The following FBXO34 variants were observed in gnomAD, a reference collection of about 807,000 sequenced individuals.
The protein encoded by FBXO34 is F-box only protein 34.
In FBXO34, 12 loss-of-function variants were observed where a neutral mutation model predicts 24.5. That is an observed-to-expected ratio of 0.49 (90% CI 0.31 to 0.79). The LOEUF is 0.79. Among genes scored for constraint, FBXO34 ranks in the 30% least tolerant of loss-of-function variants. The probability of loss-of-function intolerance (pLI) is 0.04; values close to 1 mark genes in which losing one functional copy is unlikely to be tolerated. For synonymous variants in FBXO34, 320 were observed against 311.9 expected (o/e 1.03, Z -0.27); for missense variants, 823 against 857.7 (o/e 0.96, Z 0.51).
chr14:55,414,310 C>A, the FBXO34 span: 1 of 1,168,870 alleles, frequency 8.6e-7, no homozygotes, highest in Non-Finnish European at 1.2e-6. Context: ...GTAGAAGAAT[C>A]CAGCTGTTTC....
Position 55,348,017 on chromosome 14 carries a change from A to G in FBXO34, c.-10-2364A>G, listed in dbSNP as rs568211973. 2.1e-4 allele frequency among the ~76,000 whole-genome samples: 32 copies of G among 152,334 alleles called. 2 individuals carry two copies. The South Asian group carries it at 6.0e-3, about 29-fold the overall frequency. On this transcript the variant is annotated intron_variant, in intron 1 of 1. Transcript: ENST00000313833. ...CTAGGTGTGCCTCTTTTATTCATTT[A>G]TATGTCATCCGTTCTTGAATTCTGG... is the stretch of plus-strand genomic sequence containing the variant.
At chr14:55,340,419 A>G (rs974843885) in intron 1 of FBXO34, among the ~76,000 whole-genome samples, 128 of 148,120 alleles carry the variant, frequency 8.6e-4, no homozygotes, top group Middle Eastern at 3.5e-3. Context: ...TTTTTTTTGA[A>G]TGGGGGTGGT....
chr14:55,298,597 C>T (rs1005576567), intron 1 of FBXO34: 14 of 954,648 alleles, frequency 1.5e-5, no homozygotes, highest in Admixed American at 2.7e-5. Flanking sequence ...GGAGGGCGGG[C>T]GCCGGAGCCC....
chr14:55,282,452 T>A, intron 1 of FBXO34: 1 of 246,318 alleles, frequency 4.1e-6, no homozygotes, highest in Non-Finnish European at 8.5e-6. Context: ...GTAGACAGCA[T>A]TATAAGAACT....
chr14:55,383,552 A>G, the FBXO34 span, among the ~76,000 whole-genome samples: 1 of 152,020 alleles, frequency 6.6e-6, no homozygotes, highest in Non-Finnish European at 1.5e-5. Context: ...CTCCATCTCA[A>G]AAAAACACAA....
chr14:55,430,530 C>T, the FBXO34 span, among the ~76,000 whole-genome samples: 1 of 151,990 alleles, frequency 6.6e-6, no homozygotes, highest in African/African-American at 2.4e-5. Context: ...CCTCAGCCTC[C>T]TAAGTAGCCT....
At chr14:55,385,971 T>C in the FBXO34 span, 1 of 1,614,162 alleles carries the variant, frequency 6.2e-7, no homozygotes, top group Non-Finnish European at 8.5e-7. Context: ...TCAATGGTCT[T>C]TTTTTCTACC....
intron 1 of FBXO34, among the ~76,000 whole-genome samples, chr14:55,329,831 A>G (rs1296775625): frequency 3.9e-5 from 6 of 152,052 alleles, no homozygotes; most frequent in Non-Finnish European, 7.4e-5. Flanking sequence ...GTGCCAGGAA[A>G]ACTATCAGCT....
At chr14:55,336,199 T>C (rs745586672) in intron 1 of FBXO34, among the ~76,000 whole-genome samples, 1 of 152,342 alleles carries the variant, frequency 6.6e-6, no homozygotes, top group Middle Eastern at 3.4e-3. Context: ...CTTTCAGTTC[T>C]TTTTTATTGT....
At chr14:55,311,207 G>A (rs927072895) in intron 1 of FBXO34, among the ~76,000 whole-genome samples, 1 of 152,162 alleles carries the variant, frequency 6.6e-6, no homozygotes, top group East Asian at 1.9e-4. Context: ...GGAGGGAGAA[G>A]GAACACAGGA....
the FBXO34 span, among the ~76,000 whole-genome samples, chr14:55,408,485 A>G: frequency 2.0e-5 from 3 of 151,298 alleles, no homozygotes; most frequent in African/African-American, 7.3e-5. Flanking sequence ...TCAAACTCAC[A>G]TAGCAGCCAG....
intron 1 of FBXO34, among the ~76,000 whole-genome samples, chr14:55,278,566 T>G (rs1881421775): frequency 6.6e-6 from 1 of 152,206 alleles, no homozygotes; most frequent in Non-Finnish European, 1.5e-5. Context: ...ACATGTTTGT[T>G]GCAGCTCAAG....
chr14:55,366,402 G>T (rs1884679797), downstream of FBXO34: 2 of 152,594 alleles, frequency 1.3e-5, no homozygotes, highest in Non-Finnish European at 2.9e-5. Context: ...ACTGTTAAAA[G>T]ATTTATTGCA....
the FBXO34 span, among the ~76,000 whole-genome samples, chr14:55,425,497 G>A: frequency 1.3e-5 from 2 of 152,214 alleles, no homozygotes; most frequent in African/African-American, 4.8e-5. Flanking sequence ...AAGATTACCA[G>A]TATAATGTGC....
chr14:55,389,838 A>G, the FBXO34 span, among the ~76,000 whole-genome samples: 29 of 152,254 alleles, frequency 1.9e-4, no homozygotes, highest in Non-Finnish European at 3.7e-4. Flanking sequence ...GCAAATGGGA[A>G]GTGGCTTAAG....
In FBXO34 at chr14:55,350,673, A is replaced by G. The variant is rs965807124; in HGVS notation, c.283A>G (p.Thr95Ala). The G allele has an allele frequency of 1.1e-5, 18 of 1,613,916 alleles. No individual in the cohort carries two copies. Among genetic ancestry groups the G allele is most frequent in the African/African-American group, 6.7e-5 (5 of 74,894 alleles). Residue 95 changes from threonine (T) to alanine (A), a missense_variant, in exon 2 of 2, where the codon ACG becomes GCG. Coordinates refer to ENST00000313833, the MANE Select transcript of FBXO34 (RefSeq NM_017943.4). ...VKTKKNAPSA[T>A]IHQGEEEGPL... ...AACCAAAAAGAATGCACCATCTGCAACGATCCACCAGGGCGAAGAAGAAGG... is the reference window on the plus strand; with the variant it reads ...AACCAAAAAGAATGCACCATCTGCAGCGATCCACCAGGGCGAAGAAGAAGG...
At chr14:55,395,271 G>A in the FBXO34 span, 1 of 328,604 alleles carries the variant, frequency 3.0e-6, no homozygotes, top group East Asian at 8.7e-5. Context: ...GCGCCTGCGA[G>A]GCATAGTGCA....
At chr14:55,356,626 ATT>A (rs771097986), downstream of FBXO34, among the ~76,000 whole-genome samples, 1 of 150,442 alleles carries the variant, frequency 6.6e-6, no homozygotes, top group African/African-American at 2.5e-5. Context: ...TGATTTTTTT[ATT>A]TTTTTATTTT....
chr14:55,290,809 C>A (rs976033064), intron 1 of FBXO34, among the ~76,000 whole-genome samples: 5 of 152,018 alleles, frequency 3.3e-5, no homozygotes, highest in African/African-American at 1.2e-4. Context: ...CAGTGAATAA[C>A]CTTATTCAGA....
Sources: allele counts gnomAD v4.1 joint callset (sites outside exome capture counted in the v4.1 genomes callset), GRCh38; gene constraint gnomAD v4.1.1; transcripts MANE v1.5; gene names NCBI Gene and HGNC (gene_info 2026-07-23, HGNC 2026-07-21).